C5: variants seen among roughly 807,000 people sequenced by gnomAD.
C5 encodes complement C5.
C5 carries 140 observed loss-of-function variants against 218.8 expected under a neutral mutation model. That is an observed-to-expected ratio of 0.64 (90% CI 0.56 to 0.74). The LOEUF (loss-of-function observed/expected upper bound fraction) is 0.74, where lower values mean the gene tolerates loss of function less well. Ranked by LOEUF, C5 falls within the 30% of genes least tolerant of loss-of-function variation. C5 has a pLI of 0.00. For missense variants in C5, 1,700 were observed against 1,969.6 expected, an observed-to-expected ratio of 0.86 and a Z score of 2.59; for synonymous variants, 614 against 682.3, an observed-to-expected ratio of 0.90 and a Z score of 1.56.
At chr9:120,956,940 C>A (rs2046789060) in intron 39 of C5, 1 of 329,100 alleles carries the variant, frequency 3.0e-6, no homozygotes, top group African/African-American at 2.2e-5. Context: ...ACCTGGGTGA[C>A]AAAATGATCT....
At chr9:120,991,954 A>T (rs2047079924) in intron 22 of C5, among the ~76,000 whole-genome samples, 1 of 152,252 alleles carries the variant, frequency 6.6e-6, no homozygotes, top group Admixed American at 6.5e-5. Context: ...ATTGAGGCTT[A>T]GAAAGTAACG....
intron 33 of C5, among the ~76,000 whole-genome samples, chr9:120,965,295 A>T (rs2046858719): frequency 6.6e-6 from 1 of 152,086 alleles, no homozygotes; most frequent in Admixed American, 6.6e-5. Flanking sequence ...AGGCTGAGTC[A>T]GATCAGCTGA....
intron 3 of C5, among the ~76,000 whole-genome samples, chr9:121,040,880 A>G (rs1331626506): frequency 6.6e-6 from 1 of 151,990 alleles, no homozygotes; most frequent in Non-Finnish European, 1.5e-5. Context: ...GCCAATATTT[A>G]TAGCAAACTT....
intron 25 of C5, among the ~76,000 whole-genome samples, chr9:120,984,699 AGGTAT>A (rs2047019815): frequency 1.6e-5 from 1 of 64,504 alleles, no homozygotes; most frequent in African/African-American, 3.2e-5. Flanking sequence ...AGTATTCAAT[AGGTAT>A]AAGCTCTTAC....
chr9:121,006,862 C>T, intron 19 of C5, 42 bp downstream of exon 19: 1 of 1,270,430 alleles, frequency 7.9e-7, no homozygotes, highest in South Asian at 1.2e-5. Context: ...TCTTGCTAAT[C>T]AAATCACTAT....
chr9:120,996,304 A>C lies in C5; in HGVS notation c.2791-4T>G. On this transcript the variant is annotated splice_region_variant and splice_polypyrimidine_tract_variant and intron_variant, in intron 21 of 40. Transcript: ENST00000223642. ...TTTCCCTTTTGACACCTTCTGGCTAAAATAAAGGCAGAAAACATTCAGTTA... is the reference window on the plus strand; with the variant it reads ...TTTCCCTTTTGACACCTTCTGGCTACAATAAAGGCAGAAAACATTCAGTTA... The C allele has an allele frequency of 6.2e-7, 1 of 1,610,796 alleles. No homozygotes were observed. Among genetic ancestry groups the C allele is most frequent in the African/African-American group, 1.3e-5 (1 of 74,998 alleles).
At chr9:121,063,047 T>C in the C5 span, among the ~76,000 whole-genome samples, 1 of 151,994 alleles carries the variant, frequency 6.6e-6, no homozygotes, top group Non-Finnish European at 1.5e-5. Context: ...CATTAGTTCT[T>C]CAAATATTTT....
At chr9:121,029,838 T>G (rs1237544167) in intron 7 of C5, among the ~76,000 whole-genome samples, 3 of 152,184 alleles carry the variant, frequency 2.0e-5, no homozygotes, top group Non-Finnish European at 4.4e-5. Flanking sequence ...TGCTGGATGA[T>G]GAGAGGCACA....
At chr9:121,063,730 G>A in the C5 span, among the ~76,000 whole-genome samples, 2 of 152,132 alleles carry the variant, frequency 1.3e-5, no homozygotes, top group Non-Finnish European at 2.9e-5. Flanking sequence ...TGTGCAAAAT[G>A]TTTTTGAAAA....
At chr9:121,016,049 G>C (rs1053069945) in intron 15 of C5, among the ~76,000 whole-genome samples, 1 of 152,184 alleles carries the variant, frequency 6.6e-6, no homozygotes, top group Admixed American at 6.5e-5. Flanking sequence ...GAGAGCCAGG[G>C]CGAAGATCAT....
Position 120,953,291 on chromosome 9 carries a change from T to C in C5, c.4902-423A>G, listed in dbSNP as rs554470159. On this transcript the variant is annotated intron_variant, in intron 40 of 40. Transcript: ENST00000223642. ...GGTCAGGCTGTCCGCCAAACTCTTCTGTACCGGCCTCTCCTGGGGAGGGTT... is the reference window on the plus strand; with the variant it reads ...GGTCAGGCTGTCCGCCAAACTCTTCCGTACCGGCCTCTCCTGGGGAGGGTT... 4.6e-5 allele frequency among the ~76,000 whole-genome samples: 7 copies of C among 152,356 alleles called. No individual in the cohort carries two copies. The East Asian group carries it at 9.6e-4, about 21-fold the overall frequency.
intron 10 of C5, among the ~76,000 whole-genome samples, chr9:121,022,242 A>G (rs1035928964): frequency 2.0e-5 from 3 of 152,078 alleles, no homozygotes; most frequent in Non-Finnish European, 4.4e-5. Context: ...AGTCCCTTGA[A>G]TATGAGAAAC....
upstream of C5, among the ~76,000 whole-genome samples, chr9:121,051,937 G>T (rs975926730): frequency 2.0e-5 from 3 of 152,148 alleles, no homozygotes; most frequent in African/African-American, 7.2e-5. Flanking sequence ...CTCAAATCAA[G>T]GTAGGTAATA....
chr9:121,017,748 T>C lies in C5; in HGVS notation c.1611A>G (p.Ser537=). The change falls in exon 13 of 41, where the codon TCA becomes TCG. Residue 537 remains serine (S), a synonymous_variant. Coordinates refer to ENST00000223642, the MANE Select transcript of C5 (RefSeq NM_001735.3). ...NIPVTQNMVP[S]SRLLVYYIVT... ...CGATGTAATAGACCAGAAGTCGGGA[T>C]GAAGGAACCATGTTCTGTGTTACTG... The C allele has an allele frequency of 1.9e-6, 3 of 1,612,692 alleles. No individual in the cohort carries two copies. Among genetic ancestry groups the C allele is most frequent in the African/African-American group, 1.3e-5 (1 of 75,024 alleles).
At chr9:121,010,410 T>C (rs955805357) in intron 17 of C5, among the ~76,000 whole-genome samples, 4 of 152,100 alleles carry the variant, frequency 2.6e-5, no homozygotes, top group Non-Finnish European at 5.9e-5. Context: ...ATTAAATACC[T>C]AGGAATTAAA....
intron 20 of C5, among the ~76,000 whole-genome samples, chr9:121,002,345 C>CATATATATAT (rs1450085710): frequency 0.047 from 4,542 of 96,328 alleles, 290 homozygotes; most frequent in Non-Finnish European, 0.06. Flanking sequence ...TATATATACA[C>CATATATATAT]ACATACCTAC....
chr9:121,015,204 T>C lies in C5; in HGVS notation c.2054A>G (p.Glu685Gly). 1 of 1,599,516 alleles carries C rather than the reference T, an allele frequency of 6.3e-7. No homozygotes were observed. Among genetic ancestry groups the C allele is most frequent in the Middle Eastern group, 1.7e-4 (1 of 6,012 alleles). ...PRRTLQKKIE[E>G]IAAKYKHSVV... ...TCACATGAATCTTACAGTACCTATTTCTTCTATCTTCTTTTGCAGCGTTCT... is the reference window on the plus strand; with the variant it reads ...TCACATGAATCTTACAGTACCTATTCCTTCTATCTTCTTTTGCAGCGTTCT... Residue 685 changes from glutamate (E) to glycine (G), a missense_variant, in exon 16 of 41, where the codon GAA becomes GGA. Glu to Gly is a moderately conservative substitution (Grantham distance 98, BLOSUM62 -2). Transcript: ENST00000223642.
At chr9:121,073,900 A>C in the C5 span, among the ~76,000 whole-genome samples, 1 of 152,216 alleles carries the variant, frequency 6.6e-6, no homozygotes, top group Non-Finnish European at 1.5e-5. Context: ...AAACTGAGAC[A>C]CAGAGAGAGA....
At chr9:121,017,261 T>G in intron 14 of C5, 101 bp downstream of exon 14, 1 of 1,375,300 alleles carries the variant, frequency 7.3e-7, no homozygotes, top group Non-Finnish European at 1.0e-6. Flanking sequence ...GTTGAGTAGA[T>G]TACAGAAAAG....
Sources: allele counts gnomAD v4.1 joint callset (sites outside exome capture counted in the v4.1 genomes callset), GRCh38; gene constraint gnomAD v4.1.1; transcripts MANE v1.5; gene names NCBI Gene and HGNC (gene_info 2026-07-23, HGNC 2026-07-21).